Variants in SDK1 observed in about 807,000 individuals in gnomAD.
SDK1 encodes the protein protein sidekick-1.
SDK1 carries 157 observed loss-of-function variants against 245.5 expected under a neutral mutation model. The ratio of observed to expected loss-of-function variants is 0.64; its 90% confidence interval spans 0.56 to 0.73. SDK1 has a LOEUF of 0.73. Among genes scored for constraint, SDK1 ranks in the 30% least tolerant of loss-of-function variants. The probability of loss-of-function intolerance (pLI) is 0.00; values close to 1 mark genes in which losing one functional copy is unlikely to be tolerated. For synonymous variants in SDK1, 1,647 were observed against 1,278.5 expected (o/e 1.29, Z -6.15); for missense variants, 3,583 against 3,002.3 (o/e 1.19, Z -4.52).
chr7:4,144,317 C>T (rs377398947), intron 28 of SDK1, among the ~76,000 whole-genome samples: 37 of 152,226 alleles, frequency 2.4e-4, no homozygotes, highest in East Asian at 1.2e-3. Flanking sequence ...GAAGACAGCC[C>T]GTCCACTGGA....
In SDK1 at chr7:4,178,600, AC is replaced by A. The variant is rs761283971; in HGVS notation, c.5098+19del. 1.1e-5 allele frequency: 17 copies of A among 1,586,168 alleles called. No individual in the cohort carries two copies. The African/African-American group carries it at 2.0e-4, about 19-fold the overall frequency. On this transcript the variant is annotated intron_variant, in intron 35 of 44. Coordinates refer to ENST00000404826, the MANE Select transcript of SDK1 (RefSeq NM_152744.4). ...TCGGCGAGGCTGGTAAGCTCCGTGC[AC>A]CCCCAACCCCACTGCCAGAGAGGGC...
chr7:3,841,392 G>A (rs1462933522), intron 5 of SDK1, among the ~76,000 whole-genome samples: 2 of 152,118 alleles, frequency 1.3e-5, no homozygotes, highest in Non-Finnish European at 2.9e-5. Context: ...TGCAGCTCAG[G>A]GCCCAGGAGT....
intron 2 of SDK1, among the ~76,000 whole-genome samples, chr7:3,635,689 T>A (rs1782435896): frequency 6.6e-6 from 1 of 152,072 alleles, no homozygotes; most frequent in Admixed American, 6.6e-5. Flanking sequence ...AAAATAGTCT[T>A]TTCCTATTTG....
At chr7:3,638,699 G>T (rs957832359) in intron 2 of SDK1, among the ~76,000 whole-genome samples, 4 of 150,572 alleles carry the variant, frequency 2.7e-5, no homozygotes, top group Non-Finnish European at 5.9e-5. Flanking sequence ...ACGAGTTAAT[G>T]GGTGCAGCAC....
At chr7:3,752,100 C>T (rs757179822) in intron 4 of SDK1, among the ~76,000 whole-genome samples, 6 of 152,188 alleles carry the variant, frequency 3.9e-5, no homozygotes, top group Non-Finnish European at 8.8e-5. Flanking sequence ...TTCTAAGTTA[C>T]TGCCTGTATT....
intron 1 of SDK1, among the ~76,000 whole-genome samples, chr7:3,583,157 G>C (rs1175541940): frequency 6.6e-6 from 1 of 152,220 alleles, no homozygotes; most frequent in South Asian, 2.1e-4. Context: ...CCTGCGTGTA[G>C]GCCATGCAGC....
At chr7:3,485,982 G>C (rs890697650) in intron 1 of SDK1, among the ~76,000 whole-genome samples, 3 of 151,232 alleles carry the variant, frequency 2.0e-5, no homozygotes, top group African/African-American at 7.3e-5. Context: ...GACACTATTA[G>C]GACAGTTTAT....
intron 41 of SDK1, among the ~76,000 whole-genome samples, 182 bp from the exon 42 acceptor site, chr7:4,237,465 T>C (rs1375784758): frequency 6.6e-6 from 1 of 152,002 alleles, no homozygotes; most frequent in Non-Finnish European, 1.5e-5. Context: ...CTGAGGACCA[T>C]GGGAGCCTCC....
intron 17 of SDK1, among the ~76,000 whole-genome samples, chr7:4,025,824 C>T (rs767461816): frequency 1.3e-5 from 2 of 152,208 alleles, no homozygotes; most frequent in Non-Finnish European, 2.9e-5. Context: ...CTCGAAGTCT[C>T]GGAAGAAAGC....
At chr7:3,973,267 A>C (rs1782634208) in intron 12 of SDK1, among the ~76,000 whole-genome samples, 2 of 152,156 alleles carry the variant, frequency 1.3e-5, no homozygotes, top group African/African-American at 4.8e-5. Flanking sequence ...TCTCAGGGTA[A>C]TTGCTGAGAA....
chr7:3,880,543 CTTTTTTTTTTTTT>C (rs5882008), intron 5 of SDK1, among the ~76,000 whole-genome samples: 4 of 92,006 alleles, frequency 4.3e-5, no homozygotes, highest in Non-Finnish European at 8.1e-5. Context: ...ATGCCCTGGT[CTTTTTTTTTTTTT>C]TTTTTTTTTT....
intron 1 of SDK1, among the ~76,000 whole-genome samples, chr7:3,346,109 A>G (rs551226333): frequency 3.9e-5 from 6 of 152,312 alleles, no homozygotes; most frequent in African/African-American, 7.2e-5. Context: ...GTGATACTGC[A>G]TCCTCTTCTG....
chr7:3,941,404 C>T (rs768318758), intron 5 of SDK1, among the ~76,000 whole-genome samples: 1 of 152,128 alleles, frequency 6.6e-6, no homozygotes, highest in Non-Finnish European at 1.5e-5. Flanking sequence ...CAAGTCCACA[C>T]TCCTGAGTGT....
intron 4 of SDK1, among the ~76,000 whole-genome samples, chr7:3,729,324 T>A (rs1047767002): frequency 7.2e-5 from 11 of 152,246 alleles, no homozygotes; most frequent in African/African-American, 2.7e-4. Flanking sequence ...TTAATGGTTC[T>A]GTTGTTGAAA....
intron 22 of SDK1, among the ~76,000 whole-genome samples, chr7:4,098,567 T>A (rs945735780): frequency 6.6e-6 from 1 of 152,166 alleles, no homozygotes; most frequent in African/African-American, 2.4e-5. Context: ...TGCTACAGAT[T>A]AGATTACTAA....
chr7:3,602,599 G>C (rs1158671334), intron 1 of SDK1, among the ~76,000 whole-genome samples: 5 of 151,634 alleles, frequency 3.3e-5, no homozygotes. Flanking sequence ...TGAGTAGGTT[G>C]CAAAAATTTT....
intron 35 of SDK1, among the ~76,000 whole-genome samples, chr7:4,187,011 C>T (rs1782935225): frequency 6.6e-6 from 1 of 152,152 alleles, no homozygotes; most frequent in East Asian, 1.9e-4. Context: ...CTAGGAGGGG[C>T]TCAAGAGCCA....
rs367929784 is a variant in SDK1 at position 3,397,949 on chromosome 7, G to A, written c.298+96065G>A. On this transcript the variant is annotated intron_variant, in intron 1 of 44. Transcript: ENST00000404826. ...TGCTTGCTTTGCCCCTTCAGATTGT[G>A]TGTTTTCTTGCCTTTCAGCATGCCT... Among the ~76,000 whole-genome samples the A allele has an allele frequency of 1.4e-4, 22 of 152,190 alleles. 1 individual carries two copies. In the East Asian group the frequency reaches 4.3e-3, roughly 29 times the overall value.
At chr7:3,608,513 A>C (rs182903058) in intron 1 of SDK1, among the ~76,000 whole-genome samples, 1 of 152,368 alleles carries the variant, frequency 6.6e-6, no homozygotes. Flanking sequence ...AATTGAGCTC[A>C]TAAGTAAAAA....
Sources: gnomAD v4.1 joint callset for allele counts (sites outside exome capture counted in the v4.1 genomes callset) on GRCh38, gnomAD v4.1.1 for gene constraint, MANE v1.5 for transcripts, NCBI Gene and HGNC (gene_info 2026-07-23, HGNC 2026-07-21) for gene names.